Variants in FOXN1 observed in about 807,000 individuals in gnomAD.
The protein encoded by FOXN1 is forkhead box N1.
In FOXN1, 15 loss-of-function variants were observed where a neutral mutation model predicts 49.0. The observed-to-expected ratio is 0.31, with a 90% CI of 0.20 to 0.47. FOXN1 has a LOEUF of 0.47. Ranked by LOEUF, FOXN1 falls within the 20% of genes least tolerant of loss-of-function variation. FOXN1 has a pLI of 1.00. For synonymous variants in FOXN1, 356 were observed against 369.0 expected, an observed-to-expected ratio of 0.96 and a Z score of 0.40; for missense variants, 800 against 842.8, an observed-to-expected ratio of 0.95 and a Z score of 0.63.
intron 1 of FOXN1, among the ~76,000 whole-genome samples, chr17:28,523,485 G>A (rs1490134009): frequency 1.3e-5 from 2 of 152,112 alleles, no homozygotes; most frequent in African/African-American, 2.4e-5. Flanking sequence ...TCTGACCCAC[G>A]CACCAGCTCA....
rs1311663510 is a variant in FOXN1 at position 28,537,279 on chromosome 17, T to C, written c.1790T>C (p.Leu597Ser). ...LTETGSGAGDLAAPGSGGSGA... is the reference protein window; with the variant it reads ...LTETGSGAGDSAAPGSGGSGA... ...GAGACAGGCAGTGGGGCAGGTGACT[T>C]GGCAGCCCCGGGCAGTGGTGGCTCC... The change falls in exon 9 of 9, where the codon TTG (leucine) becomes TCG (serine). Residue 597 changes from leucine (L) to serine (S), a missense_variant. Leu to Ser is a moderately radical substitution (Grantham distance 145, BLOSUM62 -2). Transcript: ENST00000579795. 1 of 1,613,970 alleles carries C rather than the reference T, an allele frequency of 6.2e-7. No homozygotes were observed.
At chr17:28,510,601 C>T (rs2069375028) in intron 1 of FOXN1, among the ~76,000 whole-genome samples, 1 of 151,908 alleles carries the variant, frequency 6.6e-6, no homozygotes, top group South Asian at 2.1e-4. Flanking sequence ...CACACACACA[C>T]ACACACACAC....
Position 28,506,830 on chromosome 17 carries a change from C to T in FOXN1, c.-15+387C>T, listed in dbSNP as rs142612271. ...CTGAAAGGCAGGGGGCCAAGTTCTC[C>T]ATGTAGTGGTTTTCCAGGTGAAGAA... On this transcript the variant is annotated intron_variant, in intron 1 of 8. Transcript: ENST00000579795. 7.5e-3 allele frequency among the ~76,000 whole-genome samples: 1,140 copies of T among 152,272 alleles called. 4 individuals are homozygous for T. Among genetic ancestry groups the T allele is most frequent in the Non-Finnish European group, 0.013 (855 of 68,016 alleles).
chr17:28,507,533 A>G (rs1489503596), intron 1 of FOXN1, among the ~76,000 whole-genome samples: 1 of 152,182 alleles, frequency 6.6e-6, no homozygotes, highest in African/African-American at 2.4e-5. Flanking sequence ...CACATCGGGC[A>G]GGGCTGCCCC....
At position 28,524,041 on chromosome 17, in the gene FOXN1, A is replaced by C. The variant is rs1447126294; in HGVS notation, c.72A>C (p.Gln24His). ...CCACCAGACTGGAGGGCGAGCGCCAAGGGGACCTCATGCAGGCACCGGGCC... is the reference window on the plus strand; with the variant it reads ...CCACCAGACTGGAGGGCGAGCGCCACGGGGACCTCATGCAGGCACCGGGCC... ...PGPTRLEGER[Q>H]GDLMQAPGLP... The change falls in exon 2 of 9, where the codon CAA (glutamine) becomes CAC (histidine). Residue 24 changes from glutamine (Q) to histidine (H), a missense_variant. Physicochemically the swap from Gln to His is conservative, Grantham distance 24. This residue lies in a region of FOXN1 where 383 missense variants were observed against 357.9 expected (regional missense o/e 1.07). Transcript: ENST00000579795. The C allele has an allele frequency of 6.2e-7, 1 of 1,611,930 alleles. No homozygotes were observed. Among genetic ancestry groups the C allele is most frequent in the East Asian group, 2.2e-5 (1 of 44,866 alleles).
At position 28,527,364 on chromosome 17, in the gene FOXN1, G is replaced by A. The variant is rs1158038072; in HGVS notation, c.699+3G>A. 1.9e-6 allele frequency: 3 copies of A among 1,592,210 alleles called. No homozygotes were observed. Among genetic ancestry groups the A allele is most frequent in the Non-Finnish European group, 2.6e-6 (3 of 1,161,014 alleles). On this transcript the variant is annotated splice_donor_region_variant and intron_variant, in intron 4 of 8. Coordinates refer to ENST00000579795, the MANE Select transcript of FOXN1 (RefSeq NM_001369369.1). Reference sequence around the variant, plus strand: ...CCTCCCAGCCCCCCTTCCACCAGGTGGGTCTGGGGCAAGTGGGCCTGCTTC... The same window carrying A: ...CCTCCCAGCCCCCCTTCCACCAGGTAGGTCTGGGGCAAGTGGGCCTGCTTC...
Position 28,524,027 on chromosome 17 carries a change from G to C in FOXN1, c.58G>C (p.Glu20Gln), listed in dbSNP as rs779415464. 6 of 1,612,366 alleles carry C rather than the reference G, an allele frequency of 3.7e-6. No individual in the cohort carries two copies. In the East Asian group the frequency reaches 1.3e-4, roughly 36 times the overall value. ...DVTLPGPTRL[E>Q]GERQGDLMQA... Reference sequence around the variant, plus strand: ...CACGCTGCCGGGCCCCACCAGACTGGAGGGCGAGCGCCAAGGGGACCTCAT... The same window carrying C: ...CACGCTGCCGGGCCCCACCAGACTGCAGGGCGAGCGCCAAGGGGACCTCAT... Residue 20 changes from glutamate to glutamine, a missense_variant, in exon 2 of 9, where the codon GAG (glutamate) becomes CAG (glutamine). Physicochemically the swap from Glu to Gln is conservative, Grantham distance 29. Coordinates refer to ENST00000579795, the MANE Select transcript of FOXN1 (RefSeq NM_001369369.1).
intron 4 of FOXN1, 147 bp from the exon 5 acceptor site, chr17:28,528,947 C>G: frequency 1.1e-6 from 1 of 925,460 alleles, no homozygotes; most frequent in Non-Finnish European, 1.7e-6. Flanking sequence ...CCTCAGACAG[C>G]TCTGCTTTGG....
At chr17:28,537,008 C>T in intron 8 of FOXN1, 109 bp from the exon 9 acceptor site, 2 of 880,252 alleles carry the variant, frequency 2.3e-6, no homozygotes, top group Non-Finnish European at 3.9e-6. Context: ...CAGCACATGT[C>T]ACCCTGACCC....
At chr17:28,513,230 C>G (rs1222736702) in intron 1 of FOXN1, among the ~76,000 whole-genome samples, 3 of 152,118 alleles carry the variant, frequency 2.0e-5, no homozygotes, top group Non-Finnish European at 2.9e-5. Context: ...GATTGCACCA[C>G]TGCACTCCAC....
Position 28,534,519 on chromosome 17 carries a change from C to T in FOXN1, c.1116C>T (p.Arg372=), listed in dbSNP as rs766273178. 10 of 1,611,824 alleles carry T rather than the reference C, an allele frequency of 6.2e-6. No individual in the cohort carries two copies. The South Asian group carries it at 1.1e-4, about 18-fold the overall frequency. ...KWKRKDPIAV[R]KSMAKPEELD... ...AGAGGAAAGATCCCATTGCTGTGCG[C>T]AAAAGCATGGCCAAGCCAGGTGAGG... Residue 372 remains arginine (R), a synonymous_variant, in exon 7 of 9, where the codon CGC becomes CGT. Coordinates refer to ENST00000579795, the MANE Select transcript of FOXN1 (RefSeq NM_001369369.1). This position sits in a 1 kb window ranked among gnomAD's most constrained non-coding sequence, Gnocchi z 4.1.
intron 8 of FOXN1, among the ~76,000 whole-genome samples, chr17:28,535,526 G>A (rs2070041498): frequency 6.6e-6 from 1 of 152,244 alleles, no homozygotes; most frequent in South Asian, 2.1e-4. Context: ...GAGGTGGGCA[G>A]ATCACCTGAG....
chr17:28,537,642 G>GC lies in FOXN1; in HGVS notation c.*209dup, dbSNP rs2070105346. ...TCTCACACATTTCTGCCACGTGGTG[G>GC]CCCAGCTCCTCACCCAGGGCCCCCA... On this transcript the variant is annotated 3_prime_UTR_variant, in exon 9 of 9. Coordinates refer to ENST00000579795, the MANE Select transcript of FOXN1 (RefSeq NM_001369369.1). 3 of 629,180 alleles carry GC rather than the reference G, an allele frequency of 4.8e-6. No homozygotes were observed. Among genetic ancestry groups the GC allele is most frequent in the Non-Finnish European group, 8.6e-6 (3 of 346,928 alleles). The allele number at this position is 629,180 out of a possible 1,614,324, so 39.0% of individuals were successfully genotyped here.
intron 3 of FOXN1, among the ~76,000 whole-genome samples, 158 bp downstream of exon 3, chr17:28,525,125 G>T (rs1371763840): frequency 6.6e-6 from 1 of 152,140 alleles, no homozygotes; most frequent in Non-Finnish European, 1.5e-5. Flanking sequence ...GCTGGGGAGG[G>T]GTGTTGGCCT....
intron 4 of FOXN1, 100 bp downstream of exon 4, chr17:28,527,461 G>A (rs774969583): frequency 1.1e-5 from 8 of 749,780 alleles, no homozygotes; most frequent in Non-Finnish European, 1.9e-5. Context: ...TGTTCACCAG[G>A]ATAGGCAGAT....
intron 1 of FOXN1, among the ~76,000 whole-genome samples, chr17:28,523,470 A>G (rs1438035226): frequency 6.6e-6 from 1 of 152,166 alleles, no homozygotes; most frequent in Non-Finnish European, 1.5e-5. Context: ...CACCCCAAGC[A>G]TGAGTCTGAC....
chr17:28,516,604 C>T (rs1245130658), intron 1 of FOXN1, among the ~76,000 whole-genome samples: 3 of 150,418 alleles, frequency 2.0e-5, no homozygotes, highest in Non-Finnish European at 3.0e-5. Context: ...CCATAGGGTA[C>T]ACACCTCCGC....
chr17:28,523,832 C>CTCTCTCA, intron 1 of FOXN1, 124 bp from the exon 2 acceptor site: 2 of 715,798 alleles, frequency 2.8e-6, no homozygotes, highest in Non-Finnish European at 5.1e-6. Flanking sequence ...CTCTCTCTCT[C>CTCTCTCA]ATCAGATGGC....
chr17:28,528,775 T>C (rs754721791), intron 4 of FOXN1, among the ~76,000 whole-genome samples: 1 of 152,146 alleles, frequency 6.6e-6, no homozygotes, highest in Non-Finnish European at 1.5e-5. Flanking sequence ...AGCACCTTCC[T>C]GGAAGGGTGC....
Sources: gnomAD v4.1 joint callset for allele counts (sites outside exome capture counted in the v4.1 genomes callset) on GRCh38, gnomAD v4.1.1 for gene constraint, gnomAD v4.1.1 regional missense constraint, Gnocchi (gnomAD v3.1) non-coding constraint, MANE v1.5 for transcripts, NCBI Gene and HGNC (gene_info 2026-07-23, HGNC 2026-07-21) for gene names.